The following ASTN1 variants were observed in gnomAD, a reference collection of about 807,000 sequenced individuals.
ASTN1 encodes the protein astrotactin-1.
A neutral mutation model predicts 140.7 loss-of-function variants in ASTN1; 41 were observed. That is an observed-to-expected ratio of 0.29 (90% CI 0.23 to 0.38). The LOEUF (loss-of-function observed/expected upper bound fraction) is 0.38, where lower values mean the gene tolerates loss of function less well. Among genes scored for constraint, ASTN1 ranks in the 10% least tolerant of loss-of-function variants. The probability of loss-of-function intolerance (pLI) is 1.00; values close to 1 mark genes in which losing one functional copy is unlikely to be tolerated. For synonymous variants in ASTN1, 640 were observed against 652.2 expected (o/e 0.98, Z 0.29); for missense variants, 1,479 against 1,678.8 (o/e 0.88, Z 2.08).
intron 8 of ASTN1, among the ~76,000 whole-genome samples, chr1:177,010,683 C>T (rs1675245725): frequency 6.6e-6 from 1 of 152,222 alleles, no homozygotes. Context: ...TGCCTCATTT[C>T]TGCCTGAGCA....
intron 1 of ASTN1, among the ~76,000 whole-genome samples, chr1:177,065,605 C>T (rs1678314645): frequency 6.6e-6 from 1 of 152,108 alleles, no homozygotes; most frequent in East Asian, 1.9e-4. Context: ...ATGAAGAGAA[C>T]AATGTGTACA....
chr1:176,864,124 G>T lies in ASTN1; in HGVS notation c.*160C>A, dbSNP rs546011684. On this transcript the variant is annotated 3_prime_UTR_variant, in exon 23 of 23. Transcript: ENST00000361833. ...TGCAGATGGAGAACATCATACTGAA[G>T]AAGTTCTGCAGGGAGCAAGGATCAC... 2 of 1,468,486 alleles carry T rather than the reference G, an allele frequency of 1.4e-6. No homozygotes were observed. Among genetic ancestry groups the T allele is most frequent in the Admixed American group, 2.5e-5 (1 of 40,778 alleles). The allele number at this position is 1,468,486 out of a possible 1,614,324, so 91.0% of individuals were successfully genotyped here. A position where few individuals can be genotyped will look rare whatever the true frequency, so the allele number is the denominator to read the frequency against.
In ASTN1 at chr1:177,115,450, T is replaced by A. The variant is rs571213738; in HGVS notation, c.283+48944A>T. 3.2e-4 allele frequency among the ~76,000 whole-genome samples: 49 copies of A among 152,142 alleles called. No homozygotes were observed. The Middle Eastern group carries it at 0.017, about 53-fold the overall frequency. On this transcript the variant is annotated intron_variant, in intron 1 of 22. Coordinates refer to ENST00000361833, the MANE Select transcript of ASTN1 (RefSeq NM_004319.3). ...ACTTTGGGAGGCCAAGGCAGGTGGA[T>A]CACCTGAGGTCAGGAGTTCAACATG...
rs1671442732 is a variant in ASTN1, at chr1:176,936,281, C to T, written c.2467G>A (p.Val823Met). Residue 823 changes from valine to methionine, a missense_variant, in exon 15 of 23, where the codon GTG (valine) becomes ATG (methionine). By Grantham distance (21) the Val-to-Met change is conservative. Transcript: ENST00000361833. The stretch of plus-strand genomic sequence containing the variant: ...CAGTGCTCACCCTGAGAGATGGCCA[C>T]TTGGTTGAGTTTGATGTGGTACATC... ...SVMYHIKLNQ[V>M]AISQALSNAL... 10 of 1,614,038 alleles carry T rather than the reference C, an allele frequency of 6.2e-6. No individual in the cohort carries two copies. The highest frequency in any genetic ancestry group is 8.5e-6 in the Non-Finnish European group (10 of 1,179,916).
chr1:176,945,087 G>A (rs1215894519), intron 13 of ASTN1, among the ~76,000 whole-genome samples: 1 of 151,818 alleles, frequency 6.6e-6, no homozygotes, highest in Non-Finnish European at 1.5e-5. Flanking sequence ...TTTTCCCATG[G>A]GTTCTAAGAA....
At chr1:177,096,043 T>C (rs1279177874) in intron 1 of ASTN1, among the ~76,000 whole-genome samples, 3 of 152,194 alleles carry the variant, frequency 2.0e-5, no homozygotes, top group Non-Finnish European at 2.9e-5. Context: ...CCCTATTAGG[T>C]TTTGGCTTGC....
chr1:176,935,041 G>A (rs1310176906), intron 15 of ASTN1, among the ~76,000 whole-genome samples: 1 of 152,136 alleles, frequency 6.6e-6, no homozygotes, highest in African/African-American at 2.4e-5. Flanking sequence ...AACCCTGCAG[G>A]CAAATCTTCT....
In ASTN1 at chr1:177,158,145, C is replaced by T. The variant is rs372238276; in HGVS notation, c.283+6249G>A. Among the ~76,000 whole-genome samples the T allele has an allele frequency of 1.9e-4, 29 of 152,204 alleles. 1 individual carries two copies. Among genetic ancestry groups the T allele is most frequent in the Middle Eastern group, 3.4e-3 (1 of 294 alleles). ...CATTTTCAGTTGTACTATATAATAC[C>T]AAATCGTTTCACAAAAGTTGTCATG... On this transcript the variant is annotated intron_variant, in intron 1 of 22. Coordinates refer to ENST00000361833, the MANE Select transcript of ASTN1 (RefSeq NM_004319.3).
rs12028794 is a variant in ASTN1 at position 176,984,592 on chromosome 1, C to T, written c.1524-19355G>A. On this transcript the variant is annotated intron_variant, in intron 8 of 22. Transcript: ENST00000361833. ...TGCAAACCTACTGCCATGTGTCCAC[C>T]GAACAGTCATGAGCCTCAGTCCCCA... Among the ~76,000 whole-genome samples the T allele has an allele frequency of 7.8e-4, 118 of 152,206 alleles. No individual in the cohort carries two copies. The East Asian group carries it at 0.018, about 23-fold the overall frequency.
chr1:176,960,750 A>C (rs1672623097), intron 9 of ASTN1, among the ~76,000 whole-genome samples: 1 of 152,010 alleles, frequency 6.6e-6, no homozygotes, highest in African/African-American at 2.4e-5. Flanking sequence ...ATAGTTCCTA[A>C]AGTTGTCCCG....
chr1:177,112,445 T>C (rs1305496342), intron 1 of ASTN1, among the ~76,000 whole-genome samples: 1 of 152,148 alleles, frequency 6.6e-6, no homozygotes, highest in African/African-American at 2.4e-5. Context: ...AAGGATTCTG[T>C]GTATTCCACC....
intron 8 of ASTN1, among the ~76,000 whole-genome samples, chr1:176,991,282 A>G (rs1321633963): frequency 6.6e-6 from 1 of 151,972 alleles, no homozygotes; most frequent in African/African-American, 2.4e-5. Context: ...GCATGGTGGC[A>G]CATGACTGTA....
intron 16 of ASTN1, among the ~76,000 whole-genome samples, chr1:176,925,535 C>A (rs184505598): frequency 6.6e-6 from 1 of 152,226 alleles, no homozygotes; most frequent in South Asian, 2.1e-4. Flanking sequence ...ACTATTCCAA[C>A]AACTGTGTCA....
At position 176,864,320 on chromosome 1, in the gene ASTN1, G is replaced by C; in HGVS notation, c.3849C>G (p.Ile1283Met). The C allele has an allele frequency of 6.2e-7, 1 of 1,614,100 alleles. No individual in the cohort carries two copies. The highest frequency in any genetic ancestry group is 8.5e-7 in the Non-Finnish European group (1 of 1,180,018). The part of the protein sequence containing the change: ...RKTCEEQTLS[I>M]PYNDYGDSKE... ...TGCTGTCCCCATAGTCGTTGTAGGG[G>C]ATACTCAGGGTCTGCTCCTCACACG... Residue 1283 changes from isoleucine to methionine, a missense_variant, in exon 23 of 23, where the codon ATC (isoleucine) becomes ATG (methionine). Ile to Met is a conservative substitution (Grantham distance 10). This residue lies in a region of ASTN1 where 746 missense variants were observed against 800.9 expected (regional missense o/e 0.93). Coordinates refer to ENST00000361833, the MANE Select transcript of ASTN1 (RefSeq NM_004319.3).
chr1:176,881,324 T>C (rs1201713111), intron 20 of ASTN1, among the ~76,000 whole-genome samples: 3 of 152,220 alleles, frequency 2.0e-5, no homozygotes, highest in Non-Finnish European at 2.9e-5. Context: ...GAGACGGTAT[T>C]GGCCTCGGTC....
chr1:177,147,299 A>C (rs954658132), intron 1 of ASTN1, among the ~76,000 whole-genome samples: 6 of 152,174 alleles, frequency 3.9e-5, no homozygotes, highest in African/African-American at 1.4e-4. Flanking sequence ...CCCAGGAGTT[A>C]GTCTGTTAAA....
intron 16 of ASTN1, among the ~76,000 whole-genome samples, chr1:176,920,780 C>G (rs1007874115): frequency 8.5e-5 from 13 of 152,206 alleles, no homozygotes; most frequent in Admixed American, 6.5e-4. Flanking sequence ...CTTTTATTAA[C>G]CACTGCATTC....
At chr1:177,159,440 A>G (rs1441080014) in intron 1 of ASTN1, among the ~76,000 whole-genome samples, 2 of 152,256 alleles carry the variant, frequency 1.3e-5, no homozygotes, top group Non-Finnish European at 2.9e-5. Flanking sequence ...CATATTTTAA[A>G]GTTTCCCCTC....
rs188899679 is a variant in ASTN1 at position 177,127,891 on chromosome 1, T to G, written c.283+36503A>C. ...TGTTTGCTGTAGATGTAATTTTTCA[T>G]GTCAACTTATGCAGCAACAGAAAAT... On this transcript the variant is annotated intron_variant, in intron 1 of 22. Coordinates refer to ENST00000361833, the MANE Select transcript of ASTN1 (RefSeq NM_004319.3). Among the ~76,000 whole-genome samples the G allele has an allele frequency of 3.2e-3, 491 of 152,340 alleles. 4 individuals are homozygous for G. The highest frequency in any genetic ancestry group is 0.011 in the African/African-American group (473 of 41,562).
Sources: allele counts gnomAD v4.1 joint callset (sites outside exome capture counted in the v4.1 genomes callset), GRCh38; gene constraint gnomAD v4.1.1; regional missense constraint gnomAD v4.1.1; transcripts MANE v1.5; gene names NCBI Gene and HGNC (gene_info 2026-07-23, HGNC 2026-07-21).